TBL1X: variants seen among roughly 807,000 people sequenced by gnomAD.
The protein encoded by TBL1X is transducin beta like 1 X-linked, also known as F-box-like/WD repeat-containing protein TBL1X.
In TBL1X, 10 loss-of-function variants were observed where a neutral mutation model predicts 50.7. The observed-to-expected ratio is 0.20, with a 90% CI of 0.12 to 0.33. The LOEUF (loss-of-function observed/expected upper bound fraction) is 0.33. TBL1X is among the 10% of genes least tolerant of loss of function. TBL1X has a pLI of 1.00. For missense variants in TBL1X, 340 were observed against 504.4 expected (o/e 0.67, Z 3.12); for synonymous variants, 190 against 214.7 (o/e 0.88, Z 1.01).
chrX:9,500,489 G>A (rs1257801643), intron 1 of TBL1X, among the ~76,000 whole-genome samples: 4 of 110,803 alleles, frequency 3.6e-5, no homozygotes, highest in African/African-American at 1.3e-4. Context: ...CCAGCTACTC[G>A]GGAGGCTGAG....
intron 2 of TBL1X, among the ~76,000 whole-genome samples, chrX:9,618,182 A>G (rs139677002): frequency 0.024 from 2,668 of 111,429 alleles, 34 homozygotes; most frequent in South Asian, 0.035. Context: ...TAAAGACACC[A>G]CTAGAGCACA....
chrX:9,464,698 C>T (rs190893504), upstream of TBL1X, among the ~76,000 whole-genome samples: 1 of 111,420 alleles, frequency 9.0e-6, no homozygotes, highest in East Asian at 2.9e-4. Context: ...TGGGGGTAGC[C>T]CTGGGGTCCT....
At chrX:9,499,475 G>C (rs1332468480) in intron 1 of TBL1X, among the ~76,000 whole-genome samples, 3 of 112,290 alleles carry the variant, frequency 2.7e-5, no homozygotes, top group Non-Finnish European at 1.9e-5. Context: ...AAAGGGGAAA[G>C]AGTGAATAAA....
intron 13 of TBL1X, among the ~76,000 whole-genome samples, chrX:9,708,163 TGAAC>T (rs1246481474): frequency 8.9e-6 from 1 of 111,797 alleles, no homozygotes; most frequent in Non-Finnish European, 1.9e-5. Context: ...GTTCCCCAGC[TGAAC>T]CTTTGCCACA....
intron 2 of TBL1X, among the ~76,000 whole-genome samples, chrX:9,503,780 A>G (rs1207465832): frequency 2.7e-5 from 3 of 112,386 alleles, no homozygotes; most frequent in Non-Finnish European, 5.6e-5. Flanking sequence ...TAAGGGACAG[A>G]ATTTGGATCT....
intron 11 of TBL1X, among the ~76,000 whole-genome samples, chrX:9,693,965 C>T (rs1343025423): frequency 9.0e-6 from 1 of 111,597 alleles, no homozygotes; most frequent in Non-Finnish European, 1.9e-5. Context: ...CAGGGAGACA[C>T]GGTAGTGTTA....
At chrX:9,712,890 T>C (rs1274498087) in intron 16 of TBL1X, among the ~76,000 whole-genome samples, 1 of 110,958 alleles carries the variant, frequency 9.0e-6, no homozygotes, top group Non-Finnish European at 1.9e-5. Flanking sequence ...AGAGAGGTGA[T>C]AATATGCTAG....
At chrX:9,547,376 A>G (rs980615719) in intron 2 of TBL1X, among the ~76,000 whole-genome samples, 10 of 108,427 alleles carry the variant, frequency 9.2e-5, no homozygotes, top group South Asian at 4.0e-4. Context: ...CTGGAGTGCA[A>G]TGGCGCGATC....
chrX:9,478,475 C>T (rs940151968), intron 1 of TBL1X, among the ~76,000 whole-genome samples: 1 of 111,992 alleles, frequency 8.9e-6, no homozygotes, highest in Non-Finnish European at 1.9e-5. Flanking sequence ...AACCCATCCC[C>T]CATCTTGCCT....
chrX:9,703,690 G>A lies in TBL1X; in HGVS notation c.1115-1303G>A, dbSNP rs770712978. Among the ~76,000 whole-genome samples the A allele has an allele frequency of 9.3e-4, 104 of 112,141 alleles. No homozygotes were observed. In the Middle Eastern group the frequency reaches 0.018, roughly 20 times the overall value. On this transcript the variant is annotated intron_variant, in intron 12 of 17. Transcript: ENST00000645353. ...CCGTGGGAACTTCCACACCTCCAGC[G>A]CACTCCCTGTCCCGGGCACTGCTGA...
chrX:9,466,931 A>G (rs2081779275), intron 1 of TBL1X, among the ~76,000 whole-genome samples: 2 of 112,099 alleles, frequency 1.8e-5, no homozygotes, highest in Admixed American at 1.9e-4. Flanking sequence ...TCCAGCCCTT[A>G]GTAGAACACA....
intron 2 of TBL1X, among the ~76,000 whole-genome samples, chrX:9,639,116 A>G (rs1436253736): frequency 9.1e-6 from 1 of 110,392 alleles, no homozygotes; most frequent in African/African-American, 3.3e-5. Context: ...TTTGTTTTCA[A>G]TGTACTGTAA....
intron 7 of TBL1X, among the ~76,000 whole-genome samples, chrX:9,688,653 A>C (rs2083077020): frequency 8.9e-6 from 1 of 112,848 alleles, no homozygotes; most frequent in African/African-American, 3.2e-5. Context: ...TTGAGCTTGC[A>C]GTTCCTGCCA....
At chrX:9,686,586 C>G (rs1344922595) in intron 6 of TBL1X, among the ~76,000 whole-genome samples, 1 of 112,299 alleles carries the variant, frequency 8.9e-6, no homozygotes, top group Non-Finnish European at 1.9e-5. Flanking sequence ...GTAACCCCAG[C>G]TACTCGGAGG....
At chrX:9,492,868 T>TAG (rs753550487) in intron 1 of TBL1X, among the ~76,000 whole-genome samples, 2 of 61,293 alleles carry the variant, frequency 3.3e-5, no homozygotes, top group Non-Finnish European at 5.7e-5. Flanking sequence ...TGTGTGTGTG[T>TAG]GTGTGTGTGT....
intron 2 of TBL1X, chrX:9,636,231 G>A (rs1457682776): frequency 9.1e-6 from 1 of 110,321 alleles, no homozygotes; most frequent in Admixed American, 9.7e-5. Flanking sequence ...ATAGGTGGTG[G>A]TTGCATAACA....
Position 9,544,841 on chromosome X carries a change from C to G in TBL1X, c.-131+42992C>G, listed in dbSNP as rs184374526. Among the ~76,000 whole-genome samples the G allele has an allele frequency of 4.5e-5, 5 of 111,441 alleles. No individual in the cohort carries two copies. The East Asian group carries it at 1.4e-3, about 31-fold the overall frequency. The stretch of plus-strand genomic sequence containing the variant: ...TTGACCTCCCAAAGTGCTGGAATTA[C>G]AGGCGTGAGCCACTGCACCCAGCCT... On this transcript the variant is annotated intron_variant, in intron 2 of 17. Coordinates refer to ENST00000645353, the MANE Select transcript of TBL1X (RefSeq NM_005647.4).
chrX:9,693,204 C>T lies in TBL1X; in HGVS notation c.947C>T (p.Thr316Met), dbSNP rs892295499. Reference protein sequence around the residue: ...GSYDGFARIWTEDGNLASTLG... With the variant: ...GSYDGFARIWMEDGNLASTLG... Reference sequence around the variant, plus strand: ...TATGACGGTTTTGCAAGAATATGGACGGAAGATGGTGAGTTCTGTGTCCCT... The same window carrying T: ...TATGACGGTTTTGCAAGAATATGGATGGAAGATGGTGAGTTCTGTGTCCCT... Residue 316 changes from threonine (T) to methionine (M), a missense_variant, in exon 10 of 18, where the codon ACG becomes ATG. Transcript: ENST00000645353. 1.5e-5 allele frequency: 18 copies of T among 1,209,397 alleles called. No homozygotes were observed. The highest frequency in any genetic ancestry group is 3.5e-5 in the African/African-American group (2 of 56,889).
intron 1 of TBL1X, among the ~76,000 whole-genome samples, chrX:9,491,332 A>ATT (rs1346823218): frequency 2.2e-4 from 5 of 23,182 alleles, no homozygotes; most frequent in East Asian, 2.5e-3. Flanking sequence ...ATATATATAT[A>ATT]TATATATTTT....
Sources: gnomAD v4.1 joint callset for allele counts (sites outside exome capture counted in the v4.1 genomes callset) on GRCh38, gnomAD v4.1.1 for gene constraint, MANE v1.5 for transcripts, NCBI Gene and HGNC (gene_info 2026-07-23, HGNC 2026-07-21) for gene names.